BACE1: variants seen among roughly 807,000 people sequenced by gnomAD.
The protein encoded by BACE1 is APP beta-secretase.
In BACE1, 21 loss-of-function variants were observed where a neutral mutation model predicts 54.0. That is an observed-to-expected ratio of 0.39 (90% CI 0.28 to 0.56). The LOEUF is 0.56. Among genes scored for constraint, BACE1 ranks in the 20% least tolerant of loss-of-function variants. The probability of loss-of-function intolerance (pLI) is 0.63; values close to 1 mark genes in which losing one functional copy is unlikely to be tolerated. For missense variants in BACE1, 511 were observed against 661.2 expected, an observed-to-expected ratio of 0.77 and a Z score of 2.49; for synonymous variants, 232 against 260.9, an observed-to-expected ratio of 0.89 and a Z score of 1.07.
At chr11:117,305,482 C>T (rs1255253920) in intron 1 of BACE1, among the ~76,000 whole-genome samples, 1 of 152,056 alleles carries the variant, frequency 6.6e-6, no homozygotes, top group Non-Finnish European at 1.5e-5. Context: ...CTGTAGCTGG[C>T]CATTGGTACC....
intron 1 of BACE1, among the ~76,000 whole-genome samples, chr11:117,302,197 G>A (rs1301265320): frequency 1.3e-5 from 2 of 152,242 alleles, no homozygotes; most frequent in South Asian, 2.1e-4. Context: ...GCTGGGTGTG[G>A]TGGCAGGCAC....
At chr11:117,300,457 G>T (rs1055868185) in intron 1 of BACE1, among the ~76,000 whole-genome samples, 11 of 152,154 alleles carry the variant, frequency 7.2e-5, no homozygotes, top group Non-Finnish European at 1.6e-4. Context: ...ATTCCAAGCG[G>T]GGGGATGGGG....
intron 1 of BACE1, among the ~76,000 whole-genome samples, chr11:117,303,475 AGG>A (rs2134477895): frequency 6.6e-6 from 1 of 152,370 alleles, no homozygotes; most frequent in East Asian, 1.9e-4. Context: ...GTGATGAGGC[AGG>A]TATGGAGCTG....
chr11:117,291,113 T>C, intron 6 of BACE1, 64 bp from the exon 7 acceptor site: 15 of 1,566,302 alleles, frequency 9.6e-6, no homozygotes, highest in South Asian at 1.2e-5. Flanking sequence ...CCCTCCCATG[T>C]TCAGATACAT....
intron 8 of BACE1, 100 bp downstream of exon 8, chr11:117,290,388 A>G: frequency 7.0e-7 from 1 of 1,432,110 alleles, no homozygotes; most frequent in Non-Finnish European, 9.4e-7. Flanking sequence ...AACTGTTACT[A>G]CCCTCCCCTA....
intron 1 of BACE1, among the ~76,000 whole-genome samples, chr11:117,306,152 A>C (rs914732402): frequency 6.6e-6 from 1 of 152,170 alleles, no homozygotes; most frequent in Non-Finnish European, 1.5e-5. Context: ...GTTCTGTTTG[A>C]AGGGGAGGTT....
In BACE1 at chr11:117,289,788, C is replaced by G; in HGVS notation, c.1284G>C (p.Thr428=). ...SACHVHDEFR[T]AAVEGPFVTL... Reference sequence around the variant, plus strand: ...TGACAAAAGGGCCTTCCACCGCTGCCGTCCTGAACTCATCGTGCACTGGGG... The same window carrying G: ...TGACAAAAGGGCCTTCCACCGCTGCGGTCCTGAACTCATCGTGCACTGGGG... Residue 428 remains threonine (T), a synonymous_variant, in exon 9 of 9, where the codon ACG becomes ACC. Transcript: ENST00000313005. The G allele has an allele frequency of 6.2e-7, 1 of 1,614,018 alleles. No individual in the cohort carries two copies. The highest frequency in any genetic ancestry group is 8.5e-7 in the Non-Finnish European group (1 of 1,179,878).
At chr11:117,307,357 G>C (rs538080791) in intron 1 of BACE1, among the ~76,000 whole-genome samples, 2 of 152,282 alleles carry the variant, frequency 1.3e-5, no homozygotes, top group South Asian at 4.1e-4. Flanking sequence ...TGTCGCCCAG[G>C]CTGGAGTGCA....
intron 2 of BACE1, among the ~76,000 whole-genome samples, chr11:117,295,957 G>A (rs2034588051): frequency 6.6e-6 from 1 of 152,196 alleles, no homozygotes; most frequent in African/African-American, 2.4e-5. Flanking sequence ...TGGGGGCAGT[G>A]ATGGAACTGG....
chr11:117,293,166 G>C lies in BACE1; in HGVS notation c.728C>G (p.Ser243Trp), dbSNP rs201550686. 6.2e-7 allele frequency: 1 copy of C among 1,613,854 alleles called. No homozygotes were observed. Among genetic ancestry groups the C allele is most frequent in the Admixed American group, 1.7e-5 (1 of 59,986 alleles). ...GSMIIGGIDH[S>W]LYTGSLWYTP... ...ATACCAGAGACTGCCTGTGTACAGC[G>C]AGTGGTCGATACCTCCAATGATCTA... Residue 243 changes from serine to tryptophan, a missense_variant, in exon 5 of 9, where the codon TCG (serine) becomes TGG (tryptophan). By Grantham distance (177) the Ser-to-Trp change is radical. Around this residue, in one of 2 missense-constraint regions of BACE1, gnomAD observed 407 missense variants for 565.7 expected, o/e 0.72. Coordinates refer to ENST00000313005, the MANE Select transcript of BACE1 (RefSeq NM_012104.6). This position sits in a 1 kb window ranked among gnomAD's most constrained non-coding sequence, Gnocchi z 4.1.
rs1258464446 is a variant in BACE1, at chr11:117,314,207, G to A, written c.261+1328C>T. 5.9e-5 allele frequency among the ~76,000 whole-genome samples: 9 copies of A among 152,264 alleles called. No individual in the cohort carries two copies. The South Asian group carries it at 1.2e-3, about 21-fold the overall frequency. On this transcript the variant is annotated intron_variant, in intron 1 of 8. Coordinates refer to ENST00000313005, the MANE Select transcript of BACE1 (RefSeq NM_012104.6). ...CTGCTCCCTGACGATATCATCTAGC[G>A]TTCTGTTTGCTCAGGGCCTGGATTT... is the stretch of plus-strand genomic sequence containing the variant.
At chr11:117,311,676 T>C (rs2034945897) in intron 1 of BACE1, among the ~76,000 whole-genome samples, 1 of 152,180 alleles carries the variant, frequency 6.6e-6, no homozygotes, top group Admixed American at 6.5e-5. Flanking sequence ...AGTCTTGCTC[T>C]GTCACCCAGG....
In BACE1 at chr11:117,315,033, A is replaced by G. The variant is rs2035058416; in HGVS notation, c.261+502T>C. ...CTCGACAACCTCACTTTGCCGTACC[A>G]GTGGCAGCCCAGATGGTGGGAGCAA... On this transcript the variant is annotated intron_variant, in intron 1 of 8. Coordinates refer to ENST00000313005, the MANE Select transcript of BACE1 (RefSeq NM_012104.6). This position sits in a 1 kb window ranked among gnomAD's most constrained non-coding sequence, Gnocchi z 5.5. 6.6e-6 allele frequency among the ~76,000 whole-genome samples: 1 copy of G among 152,188 alleles called. No individual in the cohort carries two copies. The highest frequency in any genetic ancestry group is 1.5e-5 in the Non-Finnish European group (1 of 68,024).
At chr11:117,295,056 C>T (rs1229288035) in intron 3 of BACE1, 75 bp downstream of exon 3, 12 of 1,407,886 alleles carry the variant, frequency 8.5e-6, no homozygotes, top group Non-Finnish European at 1.0e-5. Context: ...GCTAATTCCC[C>T]TTCTCTCTCC....
At chr11:117,304,512 T>C (rs773230077) in intron 1 of BACE1, among the ~76,000 whole-genome samples, 5 of 152,230 alleles carry the variant, frequency 3.3e-5, no homozygotes, top group Non-Finnish European at 7.3e-5. Context: ...GCACCAACCA[T>C]AGGTCAACCC....
At position 117,293,890 on chromosome 11, in the gene BACE1, G is replaced by A; in HGVS notation, c.686C>T (p.Ala229Val). The part of the protein sequence containing the change: ...GFPLNQSEVL[A>V]SVGGSMIIGG... ...ACTCACCATGCTCCCTCCGACAGAGGCCAGCACTTCAGACTGGTTGAGGGG... is the reference window on the plus strand; with the variant it reads ...ACTCACCATGCTCCCTCCGACAGAGACCAGCACTTCAGACTGGTTGAGGGG... The change falls in exon 4 of 9, where the codon GCC becomes GTC. Residue 229 changes from alanine (A) to valine (V), a missense_variant. By Grantham distance (64) the Ala-to-Val change is moderately conservative. This residue lies in a region of BACE1 where 407 missense variants were observed against 565.7 expected (regional missense o/e 0.72). Transcript: ENST00000313005. The surrounding 1 kb of genome is among the most constrained non-coding windows in gnomAD (Gnocchi z 4.1). 1.2e-6 allele frequency: 2 copies of A among 1,613,536 alleles called. No individual in the cohort carries two copies. The highest frequency in any genetic ancestry group is 1.7e-6 in the Non-Finnish European group (2 of 1,179,816).
At chr11:117,307,291 C>T (rs1387875963) in intron 1 of BACE1, among the ~76,000 whole-genome samples, 2 of 152,034 alleles carry the variant, frequency 1.3e-5, no homozygotes, top group African/African-American at 4.8e-5. Context: ...ATGGGGGCTT[C>T]CCTGGGAGGT....
rs1360094530 is a variant in BACE1 at position 117,287,318 on chromosome 11, T to G, written c.*2248A>C. ...CACTGGCCTGCAATGATAAAAGACA[T>G]GCAGACCAATGGGAAAGGCCCCAAA... On this transcript the variant is annotated 3_prime_UTR_variant, in exon 9 of 9. Coordinates refer to ENST00000313005, the MANE Select transcript of BACE1 (RefSeq NM_012104.6). 2 of 152,606 alleles carry G rather than the reference T, an allele frequency of 1.3e-5. No individual in the cohort carries two copies. Among genetic ancestry groups the G allele is most frequent in the African/African-American group, 4.8e-5 (2 of 41,446 alleles). The allele number at this position is 152,606 out of a possible 1,614,324, so 9.5% of individuals were successfully genotyped here. A position where few individuals can be genotyped will look rare whatever the true frequency, so the allele number is the denominator to read the frequency against.
chr11:117,302,093 G>T (rs543360540), intron 1 of BACE1, among the ~76,000 whole-genome samples: 1 of 152,150 alleles, frequency 6.6e-6, no homozygotes, highest in Non-Finnish European at 1.5e-5. Flanking sequence ...CAGCACTTTG[G>T]GAGGCTGAGG....
Sources: allele counts gnomAD v4.1 joint callset (sites outside exome capture counted in the v4.1 genomes callset), GRCh38; gene constraint gnomAD v4.1.1; regional missense constraint gnomAD v4.1.1; non-coding constraint Gnocchi (gnomAD v3.1); transcripts MANE v1.5; gene names NCBI Gene and HGNC (gene_info 2026-07-23, HGNC 2026-07-21).